The following ELAPOR1 variants were observed in gnomAD, a reference collection of about 807,000 sequenced individuals.
ELAPOR1 encodes endosome-lysosome associated apoptosis and autophagy regulator 1.
ELAPOR1 carries 77 observed loss-of-function variants against 119.7 expected under a neutral mutation model. That is an observed-to-expected ratio of 0.64 (90% CI 0.54 to 0.78). ELAPOR1 has a LOEUF of 0.78. Among genes scored for constraint, ELAPOR1 ranks in the 30% least tolerant of loss-of-function variants. The pLI is 0.00. For missense variants in ELAPOR1, 1,115 were observed against 1,270.4 expected (o/e 0.88, Z 1.86); for synonymous variants, 481 against 487.2 (o/e 0.99, Z 0.17).
chr1:109,201,376 CTG>C (rs1654166350), intron 21 of ELAPOR1: 2 of 456,000 alleles, frequency 4.4e-6, no homozygotes, highest in South Asian at 3.1e-5. Flanking sequence ...CTGTTCCCCA[CTG>C]AGCAATTCTG....
intron 7 of ELAPOR1, among the ~76,000 whole-genome samples, chr1:109,179,118 G>C (rs537567693): frequency 6.6e-6 from 1 of 151,896 alleles, no homozygotes; most frequent in Non-Finnish European, 1.5e-5. Context: ...TGTGAGCAAA[G>C]GGCCAGGCGC....
chr1:109,150,203 G>A (rs945343312), intron 1 of ELAPOR1, among the ~76,000 whole-genome samples: 3 of 152,204 alleles, frequency 2.0e-5, no homozygotes, highest in African/African-American at 7.2e-5. Flanking sequence ...TGTCTGCTTT[G>A]TGTGATATGT....
intron 8 of ELAPOR1, chr1:109,187,349 A>G (rs1382412371): frequency 3.0e-6 from 3 of 985,516 alleles, no homozygotes; most frequent in Non-Finnish European, 3.6e-6. Context: ...CGAGCTGAGC[A>G]GGGGAAGGAG....
intron 1 of ELAPOR1, among the ~76,000 whole-genome samples, chr1:109,157,366 G>A (rs1404539922): frequency 6.6e-6 from 1 of 152,082 alleles, no homozygotes; most frequent in East Asian, 1.9e-4. Context: ...GAATTGTTTT[G>A]GAGATTGGAA....
At position 109,187,479 on chromosome 1, in the gene ELAPOR1, CA is replaced by C. The variant is rs1241043023; in HGVS notation, c.1042-697del. Reference sequence around the variant, plus strand: ...CTTCTTTTCATATGTATGGTATCTGCACAGATCATGTTCATCAACCCCTCAG... The same window carrying C: ...CTTCTTTTCATATGTATGGTATCTGCCAGATCATGTTCATCAACCCCTCAG... On this transcript the variant is annotated intron_variant, in intron 8 of 21. Coordinates refer to ENST00000369939, the MANE Select transcript of ELAPOR1 (RefSeq NM_020775.5). 5 of 999,838 alleles carry C rather than the reference CA, an allele frequency of 5.0e-6. No individual in the cohort carries two copies. The East Asian group carries it at 5.7e-4, about 113-fold the overall frequency. 61.9% of individuals were successfully genotyped at this position (999,838 alleles called of 1,614,324 possible). A position where few individuals can be genotyped will look rare whatever the true frequency, so the allele number is the denominator to read the frequency against.
At chr1:109,164,004 C>T (rs927697043) in intron 2 of ELAPOR1, among the ~76,000 whole-genome samples, 1 of 152,166 alleles carries the variant, frequency 6.6e-6, no homozygotes, top group Non-Finnish European at 1.5e-5. Flanking sequence ...AGTCCCACAG[C>T]AAGGCAGAGC....
chr1:109,162,218 G>C (rs1455594454), intron 2 of ELAPOR1, among the ~76,000 whole-genome samples: 1 of 152,204 alleles, frequency 6.6e-6, no homozygotes, highest in Non-Finnish European at 1.5e-5. Context: ...ATCTGAATTT[G>C]CTTTCATTTT....
intron 3 of ELAPOR1, 88 bp downstream of exon 3, chr1:109,164,779 A>C: frequency 3.9e-6 from 5 of 1,291,084 alleles, no homozygotes; most frequent in Non-Finnish European, 5.3e-6. Flanking sequence ...GCTGCCCCTC[A>C]GGCTGGGCAG....
chr1:109,195,967 T>C (rs600189), intron 15 of ELAPOR1, among the ~76,000 whole-genome samples: 106,922 of 152,088 alleles, frequency 0.7, 39,160 homozygotes, highest in East Asian at 0.97. Context: ...ACCAGCCTGG[T>C]CAACATGGTG....
intron 1 of ELAPOR1, 178 bp from the exon 2 acceptor site, chr1:109,161,716 A>G (rs1467734618): frequency 1.6e-6 from 1 of 613,690 alleles, no homozygotes; most frequent in Non-Finnish European, 2.8e-6. Context: ...GAAGGGAATG[A>G]TCCAAATCAT....
intron 2 of ELAPOR1, 24 bp from the exon 3 acceptor site, chr1:109,164,475 C>A: frequency 6.3e-7 from 1 of 1,591,562 alleles, no homozygotes. Context: ...CACTGCCCCA[C>A]CTTGTCTCTG....
intron 3 of ELAPOR1, among the ~76,000 whole-genome samples, chr1:109,169,299 GCA>G (rs1317387351): frequency 6.6e-6 from 1 of 152,262 alleles, no homozygotes; most frequent in Non-Finnish European, 1.5e-5. Flanking sequence ...GAGTGCAATG[GCA>G]CAATCTCGGC....
At chr1:109,128,985 C>T (rs990659641) in intron 1 of ELAPOR1, among the ~76,000 whole-genome samples, 53 of 152,314 alleles carry the variant, frequency 3.5e-4, no homozygotes, top group African/African-American at 1.3e-3. Context: ...CTACCTGTAG[C>T]TCATTCTGGG....
intron 21 of ELAPOR1, among the ~76,000 whole-genome samples, 174 bp downstream of exon 21, chr1:109,201,074 C>T (rs1167160262): frequency 1.3e-5 from 2 of 152,154 alleles, no homozygotes; most frequent in Admixed American, 6.5e-5. Flanking sequence ...GTTTCTACAC[C>T]AATACTCTTT....
rs893274737 is a variant in ELAPOR1 at position 109,191,557 on chromosome 1, AC to A, written c.1545+93del. ...CCATTGGTGTGTCCACGTGACTGAC[AC>A]CCCCCCTTGTAGTGATTCCACAGAG... On this transcript the variant is annotated intron_variant, in intron 12 of 21. Transcript: ENST00000369939. 53 of 1,382,748 alleles carry A rather than the reference AC, an allele frequency of 3.8e-5. No individual in the cohort carries two copies. The East Asian group carries it at 6.2e-4, about 16-fold the overall frequency. The allele number at this position is 1,382,748 out of a possible 1,614,324, so 85.7% of individuals were successfully genotyped here. A position where few individuals can be genotyped will look rare whatever the true frequency, so the allele number is the denominator to read the frequency against.
In ELAPOR1 at chr1:109,136,947, T is replaced by C. The variant is rs549250739; in HGVS notation, c.153+22611T>C. Among the ~76,000 whole-genome samples, 64 of 152,272 alleles carry C rather than the reference T, an allele frequency of 4.2e-4. 1 individual carries two copies. In the South Asian group the frequency reaches 4.6e-3, roughly 11 times the overall value. On this transcript the variant is annotated intron_variant, in intron 1 of 21. Coordinates refer to ENST00000369939, the MANE Select transcript of ELAPOR1 (RefSeq NM_020775.5). Reference sequence around the variant, plus strand: ...AAGGCAGTTTGTGATCTTTGCCCCATATCCGTTGTGGAGGAGGGGAGCTCC... The same window carrying C: ...AAGGCAGTTTGTGATCTTTGCCCCACATCCGTTGTGGAGGAGGGGAGCTCC...
intron 1 of ELAPOR1, among the ~76,000 whole-genome samples, chr1:109,154,388 CT>C (rs1415818169): frequency 2.0e-5 from 3 of 151,620 alleles, no homozygotes; most frequent in Non-Finnish European, 4.4e-5. Flanking sequence ...TGGAAGGAAT[CT>C]TAGAAGTTGT....
chr1:109,136,158 G>A (rs763516319), intron 1 of ELAPOR1, among the ~76,000 whole-genome samples: 1 of 152,134 alleles, frequency 6.6e-6, no homozygotes, highest in Non-Finnish European at 1.5e-5. Flanking sequence ...TAGAGTACCC[G>A]CTGTGTGCCC....
rs905893782 is a variant in ELAPOR1 at position 109,138,752 on chromosome 1, T to C, written c.154-23142T>C. On this transcript the variant is annotated intron_variant, in intron 1 of 21. Transcript: ENST00000369939. Reference sequence around the variant, plus strand: ...ATAGTCCCAGCTCTGAGTGTCCTGCTAAAGGATCTTCTCCTTGGTTGCGGT... The same window carrying C: ...ATAGTCCCAGCTCTGAGTGTCCTGCCAAAGGATCTTCTCCTTGGTTGCGGT... 6.3e-5 allele frequency among the ~76,000 whole-genome samples: 9 copies of C among 142,576 alleles called. No individual in the cohort carries two copies. In the Admixed American group the frequency reaches 6.8e-4, roughly 11 times the overall value. The allele number at this position is 142,576 out of a possible 152,430, so 93.5% of individuals were successfully genotyped here.
Sources: allele counts gnomAD v4.1 joint callset (sites outside exome capture counted in the v4.1 genomes callset), GRCh38; gene constraint gnomAD v4.1.1; transcripts MANE v1.5; gene names NCBI Gene and HGNC (gene_info 2026-07-23, HGNC 2026-07-21).